RAET1E: variants seen among roughly 807,000 people sequenced by gnomAD.
The protein encoded by RAET1E is NKG2D ligand 4.
Under a neutral mutation model 21.1 loss-of-function variants are expected in RAET1E, and 27 were observed. That is an observed-to-expected ratio of 1.28 (90% CI 0.94 to 1.76). The LOEUF is 1.76. Among genes scored for constraint, RAET1E ranks in the 40% most tolerant of loss-of-function variants. The pLI is 0.00. For synonymous variants in RAET1E, 113 were observed against 115.0 expected (o/e 0.98, Z 0.11); for missense variants, 310 against 311.3 (o/e 1.00, Z 0.03).
In RAET1E at chr6:149,884,604, G is replaced by T; in HGVS notation, c.*3894C>A. 2 of 1,022,524 alleles carry T rather than the reference G, an allele frequency of 2.0e-6. No homozygotes were observed. Among genetic ancestry groups the T allele is most frequent in the South Asian group, 1.4e-5 (1 of 72,584 alleles). 63.3% of individuals were successfully genotyped at this position (1,022,524 alleles called of 1,614,324 possible). A position where few individuals can be genotyped will look rare whatever the true frequency, so the allele number is the denominator to read the frequency against. ...GGACTCAGATCCCACCTCTCTCTCA[G>T]GGAGAGATCAGCCGCTATTGTTCAC... On this transcript the variant is annotated 3_prime_UTR_variant, in exon 6 of 6. Transcript: ENST00000357183.
rs1187916247 is a variant in RAET1E at position 149,885,910 on chromosome 6, A to G, written c.*2588T>C. 6.6e-6 allele frequency among the ~76,000 whole-genome samples: 1 copy of G among 152,238 alleles called. No homozygotes were observed. The highest frequency in any genetic ancestry group is 2.4e-5 in the African/African-American group (1 of 41,454). On this transcript the variant is annotated 3_prime_UTR_variant, in exon 6 of 6. Coordinates refer to ENST00000357183, the MANE Select transcript of RAET1E (RefSeq NM_001394057.1). Reference sequence around the variant, plus strand: ...CTGACATACACCCAATCATAAAACAATGTGATAATTTTTCTGTGGTCAGAG... The same window carrying G: ...CTGACATACACCCAATCATAAAACAGTGTGATAATTTTTCTGTGGTCAGAG...
rs1777804849 is a variant in RAET1E, at chr6:149,889,929, A to G, written c.302T>C (p.Leu101Pro). ...TTTGATGTCACAAAGGAGCATCCTGAGGTCTCGCCCCACTTCTCCCAGCGT... is the reference window on the plus strand; with the variant it reads ...TTTGATGTCACAAAGGAGCATCCTGGGGTCTCGCCCCACTTCTCCCAGCGT... ...TQTLGEVGRD[L>P]RMLLCDIKPQ... Residue 101 changes from leucine (L) to proline (P), a missense_variant, in exon 4 of 6, where the codon CTC becomes CCC. Transcript: ENST00000357183. The G allele has an allele frequency of 1.9e-6, 3 of 1,614,058 alleles. No homozygotes were observed. The highest frequency in any genetic ancestry group is 2.5e-6 in the Non-Finnish European group (3 of 1,180,014).
rs1201709868 is a variant in RAET1E at position 149,883,699 on chromosome 6, A to AC, written c.*4798_*4799insG. 0.016 allele frequency: 2,558 copies of AC among 156,592 alleles called. 55 individuals carry two copies. Among genetic ancestry groups the AC allele is most frequent in the African/African-American group, 0.057 (2,392 of 41,620 alleles). 9.7% of individuals were successfully genotyped at this position (156,592 alleles called of 1,614,324 possible). A position where few individuals can be genotyped will look rare whatever the true frequency, so the allele number is the denominator to read the frequency against. Reference sequence around the variant, plus strand: ...GAGATAGAGTGAGACTCTGTCTCAAAAAAACAAACAAACAAACAAAGAATT... The same window carrying AC: ...GAGATAGAGTGAGACTCTGTCTCAAACAAAACAAACAAACAAACAAAGAATT... On this transcript the variant is annotated 3_prime_UTR_variant, in exon 6 of 6. Coordinates refer to ENST00000357183, the MANE Select transcript of RAET1E (RefSeq NM_001394057.1).
intron 1 of RAET1E, among the ~76,000 whole-genome samples, chr6:149,896,713 T>C (rs1399427476): frequency 6.6e-6 from 1 of 151,998 alleles, no homozygotes; most frequent in Non-Finnish European, 1.5e-5. Context: ...ATATGACCAC[T>C]GAGTAGCTCC....
chr6:149,884,617 C>A lies in RAET1E; in HGVS notation c.*3881G>T. On this transcript the variant is annotated 3_prime_UTR_variant, in exon 6 of 6. Coordinates refer to ENST00000357183, the MANE Select transcript of RAET1E (RefSeq NM_001394057.1). ...ACCTCTCTCTCAGGGAGAGATCAGC[C>A]GCTATTGTTCACATTCTGCCTCTCT... is the stretch of plus-strand genomic sequence containing the variant. 1.1e-6 allele frequency: 1 copy of A among 888,616 alleles called. No homozygotes were observed. Among genetic ancestry groups the A allele is most frequent in the South Asian group, 1.5e-5 (1 of 67,952 alleles). The allele number at this position is 888,616 out of a possible 1,614,324, so 55.0% of individuals were successfully genotyped here.
chr6:149,889,218 G>A, intron 5 of RAET1E, 130 bp downstream of exon 5: 1 of 1,462,868 alleles, frequency 6.8e-7, no homozygotes, highest in African/African-American at 1.4e-5. Flanking sequence ...AGCCATCACT[G>A]ACTCTCCAGA....
chr6:149,888,324 C>A lies in RAET1E; in HGVS notation c.*174G>T. 1 of 822,996 alleles carries A rather than the reference C, an allele frequency of 1.2e-6. No individual in the cohort carries two copies. Among genetic ancestry groups the A allele is most frequent in the Non-Finnish European group, 2.0e-6 (1 of 506,992 alleles). The allele number at this position is 822,996 out of a possible 1,614,324, so 51.0% of individuals were successfully genotyped here. On this transcript the variant is annotated 3_prime_UTR_variant, in exon 6 of 6. Coordinates refer to ENST00000357183, the MANE Select transcript of RAET1E (RefSeq NM_001394057.1). ...CCAGATCTTTGACCTTGCCCCTCCT[C>A]GAGAGGAGATGATTGCTTCATCCCT... is the stretch of plus-strand genomic sequence containing the variant.
Position 149,884,174 on chromosome 6 carries a change from C to T in RAET1E, c.*4324G>A, listed in dbSNP as rs73612437. On this transcript the variant is annotated 3_prime_UTR_variant, in exon 6 of 6. Coordinates refer to ENST00000357183, the MANE Select transcript of RAET1E (RefSeq NM_001394057.1). ...GTAGGATCATAGGTCCACAATCTCA[C>T]GAGCAAAGGCTCACTGCAGCTTCAG... 858 of 344,458 alleles carry T rather than the reference C, an allele frequency of 2.5e-3. 10 individuals are homozygous for T. The highest frequency in any genetic ancestry group is 0.017 in the African/African-American group (818 of 48,922). 21.3% of individuals were successfully genotyped at this position (344,458 alleles called of 1,614,324 possible).
chr6:149,889,443 C>A lies in RAET1E; in HGVS notation c.527G>T (p.Gly176Val). 6.2e-7 allele frequency: 1 copy of A among 1,614,176 alleles called. No homozygotes were observed. The highest frequency in any genetic ancestry group is 8.5e-7 in the Non-Finnish European group (1 of 1,180,028). ...KIKETWKKDR[G>V]LEKYFRKLSK... ...GAGCTTCCTGAAATACTTTTCCAGC[C>A]CTCTGTCTTTCTTCCATGTCTCCTT... Residue 176 changes from glycine (G) to valine (V), a missense_variant, in exon 5 of 6, where the codon GGG becomes GTG. Transcript: ENST00000357183.
At chr6:149,896,494 G>A (rs1349087583) in intron 1 of RAET1E, among the ~76,000 whole-genome samples, 1 of 152,134 alleles carries the variant, frequency 6.6e-6, no homozygotes, top group Non-Finnish European at 1.5e-5. Flanking sequence ...TCTGGAGAAG[G>A]GGTCTCAAAT....
chr6:149,888,727 A>G, intron 5 of RAET1E, 60 bp from the exon 6 acceptor site: 1 of 1,533,442 alleles, frequency 6.5e-7, no homozygotes, highest in South Asian at 1.2e-5. Context: ...AAAAAAAAGC[A>G]TAAAAATATG....
intron 1 of RAET1E, among the ~76,000 whole-genome samples, chr6:149,897,149 C>A (rs1266684908): frequency 6.6e-6 from 1 of 152,220 alleles, no homozygotes; most frequent in Non-Finnish European, 1.5e-5. Context: ...CCTTCCACTT[C>A]AGCCTCCAGA....
rs1415416667 is a variant in RAET1E at position 149,889,380 on chromosome 6, A to G, written c.590T>C (p.Leu197Ser). ...TTCTGGCATTGCCTCCCAGTGCCCT[A>G]AGAATTCCCTGAGCCAGTGATCGCA... Reference protein sequence around the residue: ...GDCDHWLREFLGHWEAMPEPT... With the variant: ...GDCDHWLREFSGHWEAMPEPT... Residue 197 changes from leucine to serine, a missense_variant, in exon 5 of 6, where the codon TTA becomes TCA. Leu to Ser is a moderately radical substitution (Grantham distance 145). Transcript: ENST00000357183. 1 of 1,614,162 alleles carries G rather than the reference A, an allele frequency of 6.2e-7. No homozygotes were observed. Among genetic ancestry groups the G allele is most frequent in the South Asian group, 1.1e-5 (1 of 91,076 alleles).
chr6:149,888,373 C>T lies in RAET1E; in HGVS notation c.*125G>A. ...CTCCTCTCACTGCACATTGTGCTGC[C>T]AGCCCTGCTGTGTAGTGTGGGGGCT... On this transcript the variant is annotated 3_prime_UTR_variant, in exon 6 of 6. Coordinates refer to ENST00000357183, the MANE Select transcript of RAET1E (RefSeq NM_001394057.1). The T allele has an allele frequency of 8.6e-7, 1 of 1,169,526 alleles. No individual in the cohort carries two copies. Among genetic ancestry groups the T allele is most frequent in the Non-Finnish European group, 1.2e-6 (1 of 812,114 alleles). 72.4% of individuals were successfully genotyped at this position (1,169,526 alleles called of 1,614,324 possible). A position where few individuals can be genotyped will look rare whatever the true frequency, so the allele number is the denominator to read the frequency against.
At position 149,886,319 on chromosome 6, in the gene RAET1E, G is replaced by A. The variant is rs987632943; in HGVS notation, c.*2179C>T. ...TTTTTCCAGATAGCTTCCTGCTGTT[G>A]ATTTCTAGTTTATTTCCATTGTGCT... On this transcript the variant is annotated 3_prime_UTR_variant, in exon 6 of 6. Transcript: ENST00000357183. Among the ~76,000 whole-genome samples, 1 of 152,136 alleles carries A rather than the reference G, an allele frequency of 6.6e-6. No homozygotes were observed. The highest frequency in any genetic ancestry group is 2.4e-5 in the African/African-American group (1 of 41,404).
rs1392442971 is a variant in RAET1E at position 149,883,831 on chromosome 6, T to C, written c.*4667A>G. 6.6e-6 allele frequency: 1 copy of C among 152,668 alleles called. No individual in the cohort carries two copies. Among genetic ancestry groups the C allele is most frequent in the African/African-American group, 2.4e-5 (1 of 41,448 alleles). 9.5% of individuals were successfully genotyped at this position (152,668 alleles called of 1,614,324 possible). On this transcript the variant is annotated 3_prime_UTR_variant, in exon 6 of 6. Transcript: ENST00000357183. ...ATGATGTATTAGGGAAGAATTTCAGTGTAATGTGAATTGCACGTTTGCTTA... is the reference window on the plus strand; with the variant it reads ...ATGATGTATTAGGGAAGAATTTCAGCGTAATGTGAATTGCACGTTTGCTTA...
At chr6:149,892,466 G>A (rs973708993) in intron 2 of RAET1E, among the ~76,000 whole-genome samples, 39 of 152,338 alleles carry the variant, frequency 2.6e-4, no homozygotes, top group Admixed American at 1.9e-3. Context: ...CAGTGATGAT[G>A]AGCATTTTTT....
chr6:149,889,323 A>G (rs1777766425), intron 5 of RAET1E, 25 bp downstream of exon 5: 1 of 1,612,450 alleles, frequency 6.2e-7, no homozygotes, highest in Admixed American at 1.7e-5. Context: ...GGGAGCTGCC[A>G]CATTCTCCCA....
intron 2 of RAET1E, among the ~76,000 whole-genome samples, chr6:149,891,280 C>G (rs542452489): frequency 6.6e-6 from 1 of 152,188 alleles, no homozygotes; most frequent in African/African-American, 2.4e-5. Flanking sequence ...TCCTCCCTGC[C>G]TCTTTTGCTT....
Sources: gnomAD v4.1 joint callset for allele counts (sites outside exome capture counted in the v4.1 genomes callset) on GRCh38, gnomAD v4.1.1 for gene constraint, MANE v1.5 for transcripts, NCBI Gene and HGNC (gene_info 2026-07-23, HGNC 2026-07-21) for gene names.